The following MYO3A variants were observed in gnomAD, a reference collection of about 807,000 sequenced individuals.
The protein encoded by MYO3A is myosin IIIA.
Under a neutral mutation model 192.7 loss-of-function variants are expected in MYO3A, and 180 were observed. The observed-to-expected ratio is 0.93, with a 90% CI of 0.83 to 1.06. The LOEUF (loss-of-function observed/expected upper bound fraction) is 1.06, where lower values mean the gene tolerates loss of function less well. Among genes scored for constraint, MYO3A ranks in the 50% least tolerant of loss-of-function variants. MYO3A has a pLI of 0.00. For missense variants in MYO3A, 1,896 were observed against 1,905.0 expected (o/e 1.00, Z 0.09); for synonymous variants, 628 against 645.3 (o/e 0.97, Z 0.41).
intron 17 of MYO3A, among the ~76,000 whole-genome samples, chr10:26,103,633 G>T (rs557463386): frequency 6.6e-6 from 1 of 152,272 alleles, no homozygotes; most frequent in African/African-American, 2.4e-5. Context: ...TGTCTATTAT[G>T]AATAATGCTG....
chr10:26,117,105 A>T (rs948132549), intron 17 of MYO3A, among the ~76,000 whole-genome samples: 3 of 152,300 alleles, frequency 2.0e-5, no homozygotes, highest in East Asian at 1.9e-4. Flanking sequence ...AATTTTCATT[A>T]TAACCTCTCT....
chr10:26,051,350 A>G (rs954140153), intron 10 of MYO3A, among the ~76,000 whole-genome samples: 1 of 152,028 alleles, frequency 6.6e-6, no homozygotes, highest in Admixed American at 6.6e-5. Context: ...TGGGGAAAAG[A>G]CAATGCTTTA....
intron 31 of MYO3A, 23 bp downstream of exon 31, chr10:26,176,868 C>A (rs199586186): frequency 2.2e-4 from 359 of 1,611,508 alleles, no homozygotes; most frequent in Non-Finnish European, 2.9e-4. Flanking sequence ...AGAGTTAGAA[C>A]TTCCTGAATG....
At chr10:25,978,283 C>A (rs1013498573) in intron 4 of MYO3A, among the ~76,000 whole-genome samples, 4 of 152,114 alleles carry the variant, frequency 2.6e-5, no homozygotes, top group Non-Finnish European at 4.4e-5. Context: ...TAAAGACATA[C>A]CCAAGACTGG....
At chr10:26,109,505 A>G (rs141993046) in intron 17 of MYO3A, among the ~76,000 whole-genome samples, 11 of 152,340 alleles carry the variant, frequency 7.2e-5, no homozygotes, top group African/African-American at 2.4e-4. Context: ...TTAGCCAATT[A>G]GTAACCCTGT....
chr10:25,989,991 C>T (rs1010217045), intron 4 of MYO3A, among the ~76,000 whole-genome samples: 9 of 152,208 alleles, frequency 5.9e-5, no homozygotes, highest in South Asian at 4.1e-4. Context: ...TTCACTGGGA[C>T]GTTCTCTTGT....
chr10:26,136,915 G>A (rs962808854), intron 20 of MYO3A, among the ~76,000 whole-genome samples: 1 of 152,140 alleles, frequency 6.6e-6, no homozygotes. Context: ...CTACTCAGGA[G>A]GCTGAGGCAT....
chr10:26,119,330 G>C (rs941072915), intron 17 of MYO3A, among the ~76,000 whole-genome samples: 1 of 151,808 alleles, frequency 6.6e-6, no homozygotes. Context: ...GCCTCCCCAC[G>C]GCCTGAACAC....
intron 15 of MYO3A, among the ~76,000 whole-genome samples, chr10:26,094,124 A>G (rs576465088): frequency 1.3e-5 from 2 of 152,344 alleles, no homozygotes; most frequent in East Asian, 3.9e-4. Flanking sequence ...AACTTTCAAG[A>G]AAGACCAAAC....
chr10:26,165,252 C>T (rs1841683298), intron 26 of MYO3A, among the ~76,000 whole-genome samples: 1 of 152,184 alleles, frequency 6.6e-6, no homozygotes, highest in Admixed American at 6.5e-5. Context: ...CAGCCGTCTA[C>T]ATATCAGGGC....
At chr10:26,006,679 A>C (rs1316953782) in intron 6 of MYO3A, among the ~76,000 whole-genome samples, 1 of 152,186 alleles carries the variant, frequency 6.6e-6, no homozygotes, top group South Asian at 2.1e-4. Flanking sequence ...AGACTAAACC[A>C]GGAAGAAGTT....
At chr10:25,987,762 C>A (rs1839745657) in intron 4 of MYO3A, among the ~76,000 whole-genome samples, 1 of 151,420 alleles carries the variant, frequency 6.6e-6, no homozygotes, top group Non-Finnish European at 1.5e-5. Context: ...CCATCAACAC[C>A]ACTATGGAAC....
At chr10:26,003,333 A>G (rs1840972576) in intron 6 of MYO3A, among the ~76,000 whole-genome samples, 2 of 152,208 alleles carry the variant, frequency 1.3e-5, no homozygotes, top group Admixed American at 6.5e-5. Context: ...CTGAGTTTCC[A>G]AAAGAGGTGC....
chr10:26,073,069 T>G (rs1022505293), intron 14 of MYO3A, among the ~76,000 whole-genome samples: 5 of 151,084 alleles, frequency 3.3e-5, no homozygotes, highest in African/African-American at 1.2e-4. Context: ...TGAAAAAATT[T>G]AAAAGTTAGC....
chr10:26,070,281 G>C, intron 13 of MYO3A, 37 bp from the exon 14 acceptor site: 1 of 1,606,322 alleles, frequency 6.2e-7, no homozygotes, highest in East Asian at 2.2e-5. Context: ...TAATTTTGAG[G>C]ATAAGGTCTT....
At chr10:26,077,233 G>GTTTTTTGTTTTT (rs1835634205) in intron 14 of MYO3A, among the ~76,000 whole-genome samples, 2 of 36,284 alleles carry the variant, frequency 5.5e-5, no homozygotes, top group African/African-American at 2.0e-4. Context: ...TATTCCTAAG[G>GTTTTTTGTTTTT]TTTTTTTTTT....
Position 26,166,088 on chromosome 10 carries a change from G to A in MYO3A, c.3021G>A (p.Lys1007=). 6 of 1,614,116 alleles carry A rather than the reference G, an allele frequency of 3.7e-6. No homozygotes were observed. The highest frequency in any genetic ancestry group is 5.1e-6 in the Non-Finnish European group (6 of 1,180,020). The stretch of plus-strand genomic sequence containing the variant: ...CAAGGTACTACCTTCTCTGCTACAA[G>A]TCGAGCGAGGAGCCCCGCATGAGCC... ...FIKRYYLLCY[K]SSEEPRMSPD... Residue 1007 remains lysine (K), a synonymous_variant, in exon 27 of 35, where the codon AAG becomes AAA. Coordinates refer to ENST00000642920, the MANE Select transcript of MYO3A (RefSeq NM_017433.5).
At chr10:26,105,984 A>G (rs185551137) in intron 17 of MYO3A, among the ~76,000 whole-genome samples, 70 of 152,088 alleles carry the variant, frequency 4.6e-4, no homozygotes, top group African/African-American at 6.3e-4. Flanking sequence ...CCATCAATCT[A>G]TGTTTTCTAC....
chr10:25,953,602 G>A (rs1564400263), intron 3 of MYO3A, among the ~76,000 whole-genome samples: 1 of 152,048 alleles, frequency 6.6e-6, no homozygotes. Flanking sequence ...AAGAAATTCA[G>A]CCCAATCCCA....
Sources: gnomAD v4.1 joint callset for allele counts (sites outside exome capture counted in the v4.1 genomes callset) on GRCh38, gnomAD v4.1.1 for gene constraint, MANE v1.5 for transcripts, NCBI Gene and HGNC (gene_info 2026-07-23, HGNC 2026-07-21) for gene names.